ADAM2: variants seen among roughly 807,000 people sequenced by gnomAD.
ADAM2 encodes disintegrin and metalloproteinase domain-containing protein 2.
Under a neutral mutation model 99.3 loss-of-function variants are expected in ADAM2, and 101 were observed. The ratio of observed to expected loss-of-function variants is 1.02; its 90% CI spans 0.87 to 1.20. The LOEUF (loss-of-function observed/expected upper bound fraction) is 1.20, where lower values mean the gene tolerates loss of function less well. ADAM2 is among the 50% of genes most tolerant of loss of function. The pLI is 0.00. For synonymous variants in ADAM2, 323 were observed against 287.6 expected (o/e 1.12, Z -1.25); for missense variants, 948 against 878.7 (o/e 1.08, Z -1.00).
At position 39,746,515 on chromosome 8, in the gene ADAM2, A is replaced by T. The variant is rs1487217735; in HGVS notation, c.2131T>A (p.Phe711Ile). ...TCAGTTCTCCATTTTTTCCTTTGGA[A>T]ATTAACTTTCACCATTATAGCAATC... Reference protein sequence around the residue: ...VLIAIMVKVNFQRKKWRTEDY... With the variant: ...VLIAIMVKVNIQRKKWRTEDY... Residue 711 changes from phenylalanine (F) to isoleucine (I), a missense_variant, in exon 19 of 21, where the codon TTC becomes ATC. Phe to Ile is a conservative substitution (Grantham distance 21, BLOSUM62 0). Coordinates refer to ENST00000265708, the MANE Select transcript of ADAM2 (RefSeq NM_001464.5). 1.9e-6 allele frequency: 3 copies of T among 1,596,220 alleles called. No individual in the cohort carries two copies. The highest frequency in any genetic ancestry group is 2.6e-6 in the Non-Finnish European group (3 of 1,174,054).
chr8:39,749,784 T>C (rs750401856), intron 16 of ADAM2, 40 bp from the exon 17 acceptor site: 2 of 1,513,356 alleles, frequency 1.3e-6, no homozygotes, highest in South Asian at 2.3e-5. Flanking sequence ...TGACATGCCA[T>C]CTAGAGTTGC....
At chr8:39,834,833 C>T (rs1464373541) in intron 2 of ADAM2, among the ~76,000 whole-genome samples, 1 of 150,450 alleles carries the variant, frequency 6.6e-6, no homozygotes, top group Non-Finnish European at 1.5e-5. Context: ...ATTCAGGTAC[C>T]TTCCTTCTAT....
At chr8:39,786,893 T>A (rs1440321619) in intron 10 of ADAM2, 81 bp downstream of exon 10, 1 of 1,065,790 alleles carries the variant, frequency 9.4e-7, no homozygotes, top group Non-Finnish European at 1.3e-6. Context: ...CAAATTTTAA[T>A]ACACATAAAA....
chr8:39,749,696 A>G lies in ADAM2; in HGVS notation c.1846T>C (p.Cys616Arg). The part of the protein sequence containing the change: ...CVSSSYLGYD[C>R]TTDKCNDRGV... ...CTATCATTGCATTTGTCAGTAGTAC[A>G]ATCATAACCCAAGTATGAAGAACTC... is the stretch of plus-strand genomic sequence containing the variant. Residue 616 changes from cysteine to arginine, a missense_variant, in exon 17 of 21, where the codon TGT becomes CGT. By Grantham distance (180) the Cys-to-Arg change is radical. Transcript: ENST00000265708. 2 of 1,612,458 alleles carry G rather than the reference A, an allele frequency of 1.2e-6. No individual in the cohort carries two copies. The highest frequency in any genetic ancestry group is 1.7e-6 in the Non-Finnish European group (2 of 1,178,906).
intron 17 of ADAM2, 102 bp from the exon 18 acceptor site, chr8:39,749,552 C>T (rs1823624869): frequency 6.9e-7 from 1 of 1,450,838 alleles, no homozygotes. Context: ...GGCCAATTTT[C>T]CTATATGTTT....
At chr8:39,779,380 GC>G (rs1291678167) in intron 10 of ADAM2, among the ~76,000 whole-genome samples, 1 of 151,920 alleles carries the variant, frequency 6.6e-6, no homozygotes, top group Non-Finnish European at 1.5e-5. Flanking sequence ...TTGAATTAGA[GC>G]CCCCCACCAT....
intron 16 of ADAM2, among the ~76,000 whole-genome samples, chr8:39,752,190 G>T (rs1221372863): frequency 6.6e-6 from 1 of 152,136 alleles, no homozygotes; most frequent in East Asian, 1.9e-4. Context: ...AAGCATTTTG[G>T]ATTTAAATGA....
chr8:39,821,597 A>C lies in ADAM2; in HGVS notation c.333T>G (p.Cys111Trp), dbSNP rs376032416. ...YPKSVVMVST[C>W]TGLRGVLQFE... ...CAGTAAATTACAACCTGAGTCCAGT[A>C]CATGTGCTAACCATCACCACAGATT... The change falls in exon 5 of 21, where the codon TGT becomes TGG. Residue 111 changes from cysteine to tryptophan, a missense_variant. By Grantham distance (215) the Cys-to-Trp change is radical. Coordinates refer to ENST00000265708, the MANE Select transcript of ADAM2 (RefSeq NM_001464.5). 32 of 1,598,602 alleles carry C rather than the reference A, an allele frequency of 2.0e-5. No individual in the cohort carries two copies. Among genetic ancestry groups the C allele is most frequent in the Non-Finnish European group, 2.6e-5 (30 of 1,166,774 alleles).
intron 10 of ADAM2, among the ~76,000 whole-genome samples, chr8:39,785,330 C>A (rs1347168749): frequency 6.6e-6 from 1 of 152,156 alleles, no homozygotes; most frequent in Admixed American, 6.5e-5. Context: ...CCATCTCACA[C>A]CAGTCAGAAC....
rs1331838032 is a variant in ADAM2 at position 39,767,034 on chromosome 8, T to C, written c.1321A>G (p.Lys441Glu). ...AAGGAAGGCCTACACATTCTTTCTT[T>C]TGACATAAACTGATGGGATGAGGTA... is the stretch of plus-strand genomic sequence containing the variant. ...PCCENCLFMS[K>E]ERMCRPSFEE... Residue 441 changes from lysine to glutamate, a missense_variant, in exon 14 of 21, where the codon AAA becomes GAA. Physicochemically the swap from Lys to Glu is moderately conservative, Grantham distance 56 (BLOSUM62 1). Transcript: ENST00000265708. The C allele has an allele frequency of 6.2e-7, 1 of 1,613,768 alleles. No homozygotes were observed. Among genetic ancestry groups the C allele is most frequent in the South Asian group, 1.1e-5 (1 of 91,078 alleles).
chr8:39,745,190 C>G (rs1160344542), intron 19 of ADAM2, among the ~76,000 whole-genome samples: 1 of 152,096 alleles, frequency 6.6e-6, no homozygotes, highest in East Asian at 1.9e-4. Flanking sequence ...AAACTTTTTG[C>G]CATTCATTTT....
At chr8:39,773,378 T>C (rs1172595860) in intron 11 of ADAM2, among the ~76,000 whole-genome samples, 4 of 151,238 alleles carry the variant, frequency 2.6e-5, no homozygotes, top group Non-Finnish European at 4.4e-5. Flanking sequence ...ACATTAAAAA[T>C]CTAGAAAAAA....
At chr8:39,832,006 A>G (rs1298398044) in intron 3 of ADAM2, among the ~76,000 whole-genome samples, 1 of 152,178 alleles carries the variant, frequency 6.6e-6, no homozygotes, top group Non-Finnish European at 1.5e-5. Context: ...TAGAGATATA[A>G]ACAAAAAGAA....
At position 39,821,680 on chromosome 8, in the gene ADAM2, C is replaced by T. The variant is rs764407334; in HGVS notation, c.268-18G>A. Reference sequence around the variant, plus strand: ...CAGAAATTCTGAAAGATAAAATACACATATCTCCATTAGAATGGTTTGTGT... The same window carrying T: ...CAGAAATTCTGAAAGATAAAATACATATATCTCCATTAGAATGGTTTGTGT... On this transcript the variant is annotated intron_variant, in intron 4 of 20. Transcript: ENST00000265708. 32 of 1,497,004 alleles carry T rather than the reference C, an allele frequency of 2.1e-5. No homozygotes were observed. In the Admixed American group the frequency reaches 4.4e-4, roughly 20 times the overall value. 92.7% of individuals were successfully genotyped at this position (1,497,004 alleles called of 1,614,324 possible).
Position 39,749,740 on chromosome 8 carries a change from C to A in ADAM2, c.1802G>T (p.Cys601Phe). Residue 601 changes from cysteine to phenylalanine, a missense_variant, in exon 17 of 21, where the codon TGC (cysteine) becomes TTC (phenylalanine). Coordinates refer to ENST00000265708, the MANE Select transcript of ADAM2 (RefSeq NM_001464.5). ...DGTSCGSNKV[C>F]RNQRCVSSSY... is the part of the protein sequence containing the mutation. ...AGAACTCACACATCTTTGATTCCTG[C>A]AAACCTAAAAAGGATGAGCAAAAAT... The A allele has an allele frequency of 6.2e-7, 1 of 1,610,536 alleles. No homozygotes were observed. The highest frequency in any genetic ancestry group is 8.5e-7 in the Non-Finnish European group (1 of 1,178,138).
intron 15 of ADAM2, among the ~76,000 whole-genome samples, chr8:39,760,565 C>CA (rs1208826395): frequency 1.1e-4 from 17 of 151,928 alleles, no homozygotes; most frequent in African/African-American, 3.9e-4. Flanking sequence ...ACTGAAAACA[C>CA]AAAAAATTAG....
At chr8:39,766,182 A>G (rs925333155) in intron 14 of ADAM2, among the ~76,000 whole-genome samples, 2 of 152,142 alleles carry the variant, frequency 1.3e-5, no homozygotes, top group African/African-American at 4.8e-5. Flanking sequence ...AACTGTATTT[A>G]TATGACAACT....
At chr8:39,787,996 T>C in intron 9 of ADAM2, 89 bp downstream of exon 9, 1 of 880,942 alleles carries the variant, frequency 1.1e-6, no homozygotes, top group Non-Finnish European at 1.6e-6. Flanking sequence ...ATAGATTTTT[T>C]TAATACACAT....
At chr8:39,771,275 CA>C (rs1802770473) in intron 11 of ADAM2, among the ~76,000 whole-genome samples, 1 of 152,110 alleles carries the variant, frequency 6.6e-6, no homozygotes, top group Non-Finnish European at 1.5e-5. Context: ...CGGATATTTC[CA>C]AGCACACTTT....
Sources: gnomAD v4.1 joint callset for allele counts (sites outside exome capture counted in the v4.1 genomes callset) on GRCh38, gnomAD v4.1.1 for gene constraint, MANE v1.5 for transcripts, NCBI Gene and HGNC (gene_info 2026-07-23, HGNC 2026-07-21) for gene names.